Variants in GLRB observed in about 807,000 individuals in gnomAD.
The protein encoded by GLRB is glycine receptor beta.
Under a neutral mutation model 54.2 loss-of-function variants are expected in GLRB, and 33 were observed. That is an observed-to-expected ratio of 0.61 (90% CI 0.46 to 0.81). The LOEUF (loss-of-function observed/expected upper bound fraction) is 0.81, where lower values mean the gene tolerates loss of function less well. Among genes scored for constraint, GLRB ranks in the 40% least tolerant of loss-of-function variants. The pLI is 0.00. For missense variants in GLRB, 572 were observed against 584.6 expected (o/e 0.98, Z 0.22); for synonymous variants, 209 against 208.2 (o/e 1.00, Z -0.03).
intron 9 of GLRB, among the ~76,000 whole-genome samples, chr4:157,167,163 G>A (rs1265835493): frequency 6.6e-6 from 1 of 152,086 alleles, no homozygotes; most frequent in Admixed American, 6.6e-5. Context: ...AGCATAATGA[G>A]TACATCTAAA....
chr4:157,149,620 TTAA>T (rs1736944237), intron 8 of GLRB, among the ~76,000 whole-genome samples: 1 of 152,116 alleles, frequency 6.6e-6, no homozygotes, highest in African/African-American at 2.4e-5. Flanking sequence ...ATATAATTTA[TTAA>T]TAGTAGTACT....
At chr4:157,082,395 T>G (rs914124487) in intron 2 of GLRB, among the ~76,000 whole-genome samples, 2 of 152,228 alleles carry the variant, frequency 1.3e-5, no homozygotes, top group African/African-American at 4.8e-5. Flanking sequence ...ATGAGAGCAG[T>G]GTCTTCATTA....
intron 2 of GLRB, among the ~76,000 whole-genome samples, chr4:157,100,470 A>C (rs1343106820): frequency 6.6e-6 from 1 of 151,878 alleles, no homozygotes; most frequent in Non-Finnish European, 1.5e-5. Context: ...CCAGTAACAC[A>C]CTCCCCTATT....
At chr4:157,076,877 G>GCC (rs1560927285) in intron 1 of GLRB, among the ~76,000 whole-genome samples, 2 of 147,820 alleles carry the variant, frequency 1.4e-5, no homozygotes. Context: ...GGTCTGATGA[G>GCC]CCCCCTCTGT....
At chr4:157,125,589 T>C (rs1313940090) in intron 4 of GLRB, among the ~76,000 whole-genome samples, 1 of 151,736 alleles carries the variant, frequency 6.6e-6, no homozygotes, top group Non-Finnish European at 1.5e-5. Context: ...ATGTGTGGCT[T>C]TGTCTATTAC....
At position 157,152,606 on chromosome 4, in the gene GLRB, T is replaced by C. The variant is rs1379026618; in HGVS notation, c.905-112T>C. 4.7e-6 allele frequency: 4 copies of C among 843,414 alleles called. No individual in the cohort carries two copies. The African/African-American group carries it at 5.0e-5, about 10-fold the overall frequency. The allele number at this position is 843,414 out of a possible 1,614,324, so 52.2% of individuals were successfully genotyped here. A position where few individuals can be genotyped will look rare whatever the true frequency, so the allele number is the denominator to read the frequency against. On this transcript the variant is annotated intron_variant, in intron 8 of 9. Transcript: ENST00000264428. ...TTGAGCTTTAAGGGGACCTGACAAA[T>C]TGTTCATGGGTCATTGGAAGTTACT...
In GLRB at chr4:157,153,224, A is replaced by G. The variant is rs191981381; in HGVS notation, c.1197+214A>G. On this transcript the variant is annotated intron_variant, in intron 9 of 9. Transcript: ENST00000264428. ...TTAGGTCGAATACCACTTAAGGAAA[A>G]AAGTAATGCCTTATTAAATTTTTTG... Among the ~76,000 whole-genome samples, 194 of 152,292 alleles carry G rather than the reference A, an allele frequency of 1.3e-3. 1 individual carries two copies. Among genetic ancestry groups the G allele is most frequent in the African/African-American group, 4.5e-3 (186 of 41,564 alleles).
intron 9 of GLRB, among the ~76,000 whole-genome samples, chr4:157,157,847 A>G (rs1442654031): frequency 6.6e-6 from 1 of 152,198 alleles, no homozygotes; most frequent in African/African-American, 2.4e-5. Context: ...TCCTTTAGAT[A>G]TATGCCCAGT....
At position 157,119,683 on chromosome 4, in the gene GLRB, G is replaced by GAT. The variant is rs967905089; in HGVS notation, c.123-871_123-870dup. 6.6e-5 allele frequency among the ~76,000 whole-genome samples: 10 copies of GAT among 151,796 alleles called. No homozygotes were observed. In the South Asian group the frequency reaches 1.9e-3, roughly 28 times the overall value. ...TATTTCTATTTGAAAACCACAATGA[G>GAT]ATACCATCTCACACCAGTTAGAATG... On this transcript the variant is annotated intron_variant, in intron 2 of 9. Coordinates refer to ENST00000264428, the MANE Select transcript of GLRB (RefSeq NM_000824.5).
chr4:157,167,353 A>G (rs1737749221), intron 9 of GLRB, among the ~76,000 whole-genome samples: 1 of 152,216 alleles, frequency 6.6e-6, no homozygotes, highest in Admixed American at 6.5e-5. Context: ...TCACTGATAC[A>G]TGTGGAGACT....
chr4:157,089,527 G>T (rs1448044266), intron 2 of GLRB, among the ~76,000 whole-genome samples: 1 of 152,074 alleles, frequency 6.6e-6, no homozygotes, highest in Non-Finnish European at 1.5e-5. Flanking sequence ...AACAATCTCC[G>T]ATTTCACCCA....
At chr4:157,140,790 A>C (rs1736578546) in intron 7 of GLRB, among the ~76,000 whole-genome samples, 1 of 151,970 alleles carries the variant, frequency 6.6e-6, no homozygotes, top group African/African-American at 2.4e-5. Context: ...TTTCAAAAAG[A>C]GTAGTGTCTA....
chr4:157,081,954 C>G (rs1314836372), intron 2 of GLRB, among the ~76,000 whole-genome samples: 2 of 152,178 alleles, frequency 1.3e-5, no homozygotes, highest in Admixed American at 6.5e-5. Flanking sequence ...CGACCCCTGC[C>G]TCTGCCTAAG....
rs549139081 is a variant in GLRB, at chr4:157,160,772, T to G, written c.1197+7762T>G. ...TCCAACTATGTGGTCAATTTTGGAA[T>G]AAGTGTGATGTGGTGCTGAGAAGAA... On this transcript the variant is annotated intron_variant, in intron 9 of 9. Coordinates refer to ENST00000264428, the MANE Select transcript of GLRB (RefSeq NM_000824.5). Among the ~76,000 whole-genome samples, 434 of 152,276 alleles carry G rather than the reference T, an allele frequency of 2.9e-3. 2 individuals carry two copies. Among genetic ancestry groups the G allele is most frequent in the African/African-American group, 9.6e-3 (400 of 41,542 alleles).
chr4:157,114,229 C>T (rs1442633032), intron 2 of GLRB, among the ~76,000 whole-genome samples: 1 of 151,704 alleles, frequency 6.6e-6, no homozygotes, highest in Admixed American at 6.6e-5. Context: ...GTTTCACTTC[C>T]ATGTGATTAT....
chr4:157,129,728 AT>A (rs1421710680), intron 4 of GLRB, among the ~76,000 whole-genome samples: 2 of 151,636 alleles, frequency 1.3e-5, no homozygotes, highest in Non-Finnish European at 1.5e-5. Context: ...TTTAAACAAA[AT>A]AATTGGGGTA....
intron 2 of GLRB, among the ~76,000 whole-genome samples, chr4:157,108,546 G>A (rs1735305146): frequency 6.6e-6 from 1 of 152,092 alleles, no homozygotes; most frequent in South Asian, 2.1e-4. Context: ...ACCTGAAAAT[G>A]TGACTGAATT....
chr4:157,093,549 G>A (rs970400575), intron 2 of GLRB, among the ~76,000 whole-genome samples: 1 of 152,024 alleles, frequency 6.6e-6, no homozygotes, highest in East Asian at 1.9e-4. Flanking sequence ...GAGGTCAAGA[G>A]ATCGAGACCA....
rs1736404467 is a variant in GLRB, at chr4:157,136,507, T to C, written c.336T>C (p.Asn112=). The stretch of plus-strand genomic sequence containing the variant: ...ACATCTTCCTGAGACAAAAATGGAA[T>C]GACCCCAGGCTGAAGCTCCCCAGTG... ...RVNIFLRQKW[N]DPRLKLPSDF... Residue 112 remains asparagine, a synonymous_variant, in exon 5 of 10, where the codon AAT becomes AAC. Transcript: ENST00000264428. The C allele has an allele frequency of 6.2e-7, 1 of 1,612,382 alleles. No individual in the cohort carries two copies. The highest frequency in any genetic ancestry group is 1.1e-5 in the South Asian group (1 of 91,058).
Sources: allele counts gnomAD v4.1 joint callset (sites outside exome capture counted in the v4.1 genomes callset), GRCh38; gene constraint gnomAD v4.1.1; transcripts MANE v1.5; gene names NCBI Gene and HGNC (gene_info 2026-07-23, HGNC 2026-07-21).